RBFOX1: variants seen among roughly 807,000 people sequenced by gnomAD.
RBFOX1 encodes RNA binding fox-1 homolog 1.
In RBFOX1, 8 loss-of-function variants were observed where a neutral mutation model predicts 57.7. That is an observed-to-expected ratio of 0.14 (90% CI 0.08 to 0.25). RBFOX1 has a LOEUF of 0.25. Ranked by LOEUF, RBFOX1 falls within the 10% of genes least tolerant of loss-of-function variation. RBFOX1 has a pLI of 1.00. For missense variants in RBFOX1, 611 were observed against 548.5 expected (o/e 1.11, Z -1.14); for synonymous variants, 326 against 222.4 (o/e 1.47, Z -4.15).
intron 3 of RBFOX1, among the ~76,000 whole-genome samples, chr16:7,042,740 A>G (rs1399261255): frequency 6.6e-6 from 1 of 152,178 alleles, no homozygotes; most frequent in Non-Finnish European, 1.5e-5. Context: ...AGCCTGGCCA[A>G]CATGGCAAAA....
intron 3 of RBFOX1, among the ~76,000 whole-genome samples, chr16:6,924,335 G>T (rs1233016694): frequency 6.6e-6 from 1 of 151,976 alleles, no homozygotes; most frequent in Non-Finnish European, 1.5e-5. Flanking sequence ...CATCATGGGA[G>T]GCATGTTGGG....
At chr16:6,505,910 C>T (rs1466039022) in intron 2 of RBFOX1, among the ~76,000 whole-genome samples, 1 of 152,100 alleles carries the variant, frequency 6.6e-6, no homozygotes, top group Non-Finnish European at 1.5e-5. Context: ...AACCTGTTAC[C>T]TAGGAGCATA....
intron 3 of RBFOX1, among the ~76,000 whole-genome samples, chr16:6,943,523 A>G (rs1340214661): frequency 1.3e-5 from 2 of 152,112 alleles, no homozygotes; most frequent in Non-Finnish European, 2.9e-5. Context: ...CCTGACTAAC[A>G]TGGTGAAACC....
chr16:6,839,666 T>A (rs910570597), intron 3 of RBFOX1, among the ~76,000 whole-genome samples: 1 of 152,166 alleles, frequency 6.6e-6, no homozygotes, highest in Non-Finnish European at 1.5e-5. Context: ...TTGCAAACTC[T>A]CCTATTTTTA....
At chr16:7,170,363 C>G (rs1023693148) in intron 4 of RBFOX1, among the ~76,000 whole-genome samples, 1 of 152,050 alleles carries the variant, frequency 6.6e-6, no homozygotes, top group Non-Finnish European at 1.5e-5. Flanking sequence ...GCTTGAACTC[C>G]TGGGTGCAAG....
At chr16:5,748,537 T>C (rs1459337101) in intron 3 of RBFOX1, among the ~76,000 whole-genome samples, 2 of 151,912 alleles carry the variant, frequency 1.3e-5, no homozygotes, top group African/African-American at 4.8e-5. Flanking sequence ...CTAAGGACTT[T>C]CTTTATGAAT....
chr16:6,590,677 G>A (rs923796853), intron 2 of RBFOX1, among the ~76,000 whole-genome samples: 1 of 152,182 alleles, frequency 6.6e-6, no homozygotes, highest in Non-Finnish European at 1.5e-5. Flanking sequence ...ATATTTACAT[G>A]CATACTACGA....
intron 3 of RBFOX1, among the ~76,000 whole-genome samples, chr16:6,897,043 C>G (rs74692413): frequency 0.014 from 2,146 of 152,192 alleles, 53 homozygotes; most frequent in African/African-American, 0.049. Context: ...CAGACCTGAG[C>G]TCTCCACACC....
chr16:6,614,975 A>G (rs1043630020), intron 2 of RBFOX1, among the ~76,000 whole-genome samples: 2 of 152,194 alleles, frequency 1.3e-5, no homozygotes, highest in Non-Finnish European at 2.9e-5. Flanking sequence ...CTGCATCCCA[A>G]TTACCAGTCG....
intron 2 of RBFOX1, among the ~76,000 whole-genome samples, chr16:6,364,100 C>G (rs938560721): frequency 1.3e-5 from 2 of 152,126 alleles, no homozygotes; most frequent in Non-Finnish European, 2.9e-5. Context: ...TTAGCCTACC[C>G]CTCTTGGATC....
Position 5,430,191 on chromosome 16 carries a change from C to T in RBFOX1, c.220-37025C>T, listed in dbSNP as rs1013190223. Among the ~76,000 whole-genome samples the T allele has an allele frequency of 3.3e-5, 5 of 152,070 alleles. No individual in the cohort carries two copies. The East Asian group carries it at 5.8e-4, about 18-fold the overall frequency. ...TCATGGACGGACCAGCCAGGAAGGT[C>T]GATGGCAAGCAGATAATGACACAGC... On this transcript the variant is annotated intron_variant, in intron 1 of 2. Coordinates refer to the RBFOX1 transcript ENST00000585867.
chr16:5,984,850 C>T (rs1487592156), intron 4 of RBFOX1, among the ~76,000 whole-genome samples: 1 of 150,072 alleles, frequency 6.7e-6, no homozygotes. Context: ...AGTTGGAACA[C>T]AGTGGTCACA....
At chr16:5,497,718 G>T (rs747585088) in intron 2 of RBFOX1, among the ~76,000 whole-genome samples, 1 of 151,960 alleles carries the variant, frequency 6.6e-6, no homozygotes, top group Non-Finnish European at 1.5e-5. Flanking sequence ...GGCAGAGGTC[G>T]CAGTGAGCTG....
chr16:5,275,572 G>C (rs1260671136), intron 1 of RBFOX1, among the ~76,000 whole-genome samples: 2 of 152,196 alleles, frequency 1.3e-5, no homozygotes, highest in Non-Finnish European at 2.9e-5. Context: ...CCATGCTCAT[G>C]GATGGGTAGA....
chr16:7,160,635 TAC>T (rs369181279), intron 4 of RBFOX1, among the ~76,000 whole-genome samples: 290 of 152,322 alleles, frequency 1.9e-3, no homozygotes, highest in African/African-American at 6.7e-3. Context: ...CAGTATGATT[TAC>T]ACTGTCCAGT....
chr16:7,397,867 A>G (rs2098168285), intron 4 of RBFOX1, among the ~76,000 whole-genome samples: 1 of 152,072 alleles, frequency 6.6e-6, no homozygotes. Context: ...GTCTATTGGA[A>G]CCTTAGTTTT....
At chr16:6,858,890 C>G (rs1299073871) in intron 3 of RBFOX1, among the ~76,000 whole-genome samples, 2 of 151,718 alleles carry the variant, frequency 1.3e-5, no homozygotes, top group African/African-American at 4.8e-5. Flanking sequence ...TCAGCTATAA[C>G]TACAGTATCA....
At chr16:7,447,790 A>C (rs1272246184) in intron 4 of RBFOX1, among the ~76,000 whole-genome samples, 1 of 152,244 alleles carries the variant, frequency 6.6e-6, no homozygotes, top group East Asian at 1.9e-4. Flanking sequence ...TGAAGGTTAT[A>C]GGTCTTGTTA....
intron 5 of RBFOX1, among the ~76,000 whole-genome samples, chr16:7,555,370 T>C (rs1467397844): frequency 6.6e-6 from 1 of 152,156 alleles, no homozygotes; most frequent in Non-Finnish European, 1.5e-5. Context: ...GTAAAATCCA[T>C]GGTTTAGTTA....
Sources: gnomAD v4.1 joint callset for allele counts (sites outside exome capture counted in the v4.1 genomes callset) on GRCh38, gnomAD v4.1.1 for gene constraint, MANE v1.5 for transcripts, NCBI Gene and HGNC (gene_info 2026-07-23, HGNC 2026-07-21) for gene names.